SORL1: variants seen among roughly 807,000 people sequenced by gnomAD.
SORL1 encodes sortilin-related receptor.
A neutral mutation model predicts 273.7 loss-of-function variants in SORL1; 127 were observed. The ratio of observed to expected loss-of-function variants is 0.46; its 90% confidence interval spans 0.40 to 0.54. The LOEUF is 0.54. Among genes scored for constraint, SORL1 ranks in the 20% least tolerant of loss-of-function variants. The pLI is 0.00. For synonymous variants in SORL1, 1,031 were observed against 1,067.4 expected, an observed-to-expected ratio of 0.97 and a Z score of 0.66; for missense variants, 2,494 against 2,846.1, an observed-to-expected ratio of 0.88 and a Z score of 2.81.
At position 121,554,219 on chromosome 11, in the gene SORL1, G is replaced by A. The variant is rs1404823899; in HGVS notation, c.2439+110G>A. ...AATGGGCAGTTAGAAGTTTGTAAGT[G>A]TTACTCATCTCAGGGCTGACAGGTG... On this transcript the variant is annotated intron_variant, in intron 17 of 47. Transcript: ENST00000260197. The surrounding 1 kb of genome is among the most constrained non-coding windows in gnomAD (Gnocchi z 4.6). The A allele has an allele frequency of 4.3e-6, 4 of 928,606 alleles. No homozygotes were observed. The highest frequency in any genetic ancestry group is 1.7e-5 in the African/African-American group (1 of 59,782). The allele number at this position is 928,606 out of a possible 1,614,324, so 57.5% of individuals were successfully genotyped here. A position where few individuals can be genotyped will look rare whatever the true frequency, so the allele number is the denominator to read the frequency against.
At chr11:121,574,829 AG>A (rs1198389845) in intron 24 of SORL1, among the ~76,000 whole-genome samples, 1 of 152,174 alleles carries the variant, frequency 6.6e-6, no homozygotes, top group Non-Finnish European at 1.5e-5. Context: ...GGTGATGGTA[AG>A]GAAGTAAATT....
intron 26 of SORL1, among the ~76,000 whole-genome samples, chr11:121,585,044 C>T (rs184385444): frequency 1.3e-5 from 2 of 152,328 alleles, no homozygotes; most frequent in Admixed American, 1.3e-4. Context: ...CATTTCTAGG[C>T]AAACTTTCTC....
Position 121,502,124 on chromosome 11 carries a change from C to CTTTTTTTTTTTTTTT in SORL1, c.939+5090_939+5104dup, listed in dbSNP as rs57842880. The stretch of plus-strand genomic sequence containing the variant: ...GTAACTACTGGGTCATGTGACAATT[C>CTTTTTTTTTTTTTTT]TTTTTTTTTTTTTTTTTTTTTTTTT... On this transcript the variant is annotated intron_variant, in intron 6 of 47. Coordinates refer to ENST00000260197, the MANE Select transcript of SORL1 (RefSeq NM_003105.6). 2.0e-4 allele frequency among the ~76,000 whole-genome samples: 13 copies of CTTTTTTTTTTTTTTT among 65,188 alleles called. 3 individuals are homozygous for CTTTTTTTTTTTTTTT. Among genetic ancestry groups the CTTTTTTTTTTTTTTT allele is most frequent in the East Asian group, 9.3e-4 (2 of 2,152 alleles). The allele number at this position is 65,188 out of a possible 152,430, so 42.8% of individuals were successfully genotyped here.
In SORL1 at chr11:121,595,343, C is replaced by T. The variant is rs930414054; in HGVS notation, c.4370-280C>T. On this transcript the variant is annotated intron_variant, in intron 31 of 47. Transcript: ENST00000260197. The surrounding 1 kb of genome is among the most constrained non-coding windows in gnomAD (Gnocchi z 5.1). ...TTCGCTGGCCTCTTTAGTCACATAC[C>T]GCTATCTGTCTTCTTTCCAGCTCCC... Among the ~76,000 whole-genome samples, 2 of 152,158 alleles carry T rather than the reference C, an allele frequency of 1.3e-5. No individual in the cohort carries two copies. Among genetic ancestry groups the T allele is most frequent in the South Asian group, 2.1e-4 (1 of 4,832 alleles).
At chr11:121,456,559 A>G (rs1860909123) in intron 1 of SORL1, among the ~76,000 whole-genome samples, 1 of 152,232 alleles carries the variant, frequency 6.6e-6, no homozygotes, top group Non-Finnish European at 1.5e-5. Flanking sequence ...GCCTACAGAT[A>G]GTGGAGCCCT....
In SORL1 at chr11:121,570,197, G is replaced by A. The variant is rs928570635; in HGVS notation, c.3264G>A (p.Gly1088=). 6.2e-6 allele frequency: 10 copies of A among 1,614,012 alleles called. No individual in the cohort carries two copies. Among genetic ancestry groups the A allele is most frequent in the Non-Finnish European group, 7.6e-6 (9 of 1,179,922 alleles). Reference sequence around the variant, plus strand: ...GCAACCAGTATCGCTGCAGCAACGGGAACTGTATCAACAGCATTTGGTGGT... The same window carrying A: ...GCAACCAGTATCGCTGCAGCAACGGAAACTGTATCAACAGCATTTGGTGGT... ...CLRNQYRCSN[G]NCINSIWWCD... is the part of the protein sequence containing the mutation. The change falls in exon 23 of 48, where the codon GGG becomes GGA. Residue 1088 remains glycine (G), a synonymous_variant. Transcript: ENST00000260197.
chr11:121,539,974 A>G (rs1862322669), intron 12 of SORL1, among the ~76,000 whole-genome samples: 1 of 152,156 alleles, frequency 6.6e-6, no homozygotes, highest in Non-Finnish European at 1.5e-5. Context: ...CAGTCTGCCA[A>G]TTATTTTGGT....
At position 121,550,848 on chromosome 11, in the gene SORL1, T is replaced by C. The variant is rs925209656; in HGVS notation, c.2266+178T>C. ...TTGGTTTCCACACTGAACTTGTACA[T>C]AGCCATACCCGTTTTTAGGAATGGA... On this transcript the variant is annotated intron_variant, in intron 16 of 47. Coordinates refer to ENST00000260197, the MANE Select transcript of SORL1 (RefSeq NM_003105.6). The surrounding 1 kb of genome is among the most constrained non-coding windows in gnomAD (Gnocchi z 5.3). 6.6e-6 allele frequency among the ~76,000 whole-genome samples: 1 copy of C among 152,212 alleles called. No individual in the cohort carries two copies. Among genetic ancestry groups the C allele is most frequent in the African/African-American group, 2.4e-5 (1 of 41,448 alleles).
In SORL1 at chr11:121,595,888, C is replaced by T. The variant is rs550792972; in HGVS notation, c.4519+116C>T. The T allele has an allele frequency of 8.6e-5, 97 of 1,123,464 alleles. No homozygotes were observed. The highest frequency in any genetic ancestry group is 1.0e-4 in the Non-Finnish European group (80 of 802,786). 69.6% of individuals were successfully genotyped at this position (1,123,464 alleles called of 1,614,324 possible). On this transcript the variant is annotated intron_variant, in intron 32 of 47. Transcript: ENST00000260197. The surrounding 1 kb of genome is among the most constrained non-coding windows in gnomAD (Gnocchi z 5.1). ...GCCTGTGTGTGAGTCTGTGTACTTG[C>T]GTAACCATGCTCTTACTGCATTCTC...
intron 14 of SORL1, among the ~76,000 whole-genome samples, chr11:121,547,332 G>GTT (rs143897614): frequency 0.066 from 7,981 of 121,792 alleles, 347 homozygotes; most frequent in Admixed American, 0.13. Flanking sequence ...AATCTTTGGG[G>GTT]TTTTTTTTTT....
At chr11:121,478,049 AAAAG>A in intron 2 of SORL1, 65 bp from the exon 3 acceptor site, 43 of 1,436,500 alleles carry the variant, frequency 3.0e-5, no homozygotes, top group Admixed American at 6.7e-5. Flanking sequence ...AAAAAAAAAA[AAAAG>A]AAAGATCTTT....
intron 32 of SORL1, among the ~76,000 whole-genome samples, chr11:121,597,175 G>GT (rs895673546): frequency 1.3e-5 from 2 of 152,210 alleles, no homozygotes; most frequent in African/African-American, 4.8e-5. Flanking sequence ...AGTTCACCCA[G>GT]TAAGGCTCAG....
At chr11:121,551,343 A>G (rs1299885634) in intron 16 of SORL1, among the ~76,000 whole-genome samples, 1 of 152,196 alleles carries the variant, frequency 6.6e-6, no homozygotes, top group East Asian at 1.9e-4. Context: ...TTAGATAATC[A>G]TTATGCATGC....
At chr11:121,553,833 A>G in intron 16 of SORL1, 104 bp from the exon 17 acceptor site, 1 of 1,112,816 alleles carries the variant, frequency 9.0e-7, no homozygotes, top group South Asian at 1.5e-5. Context: ...ACCACATGCC[A>G]ATGAATTTGA....
At position 121,627,682 on chromosome 11, in the gene SORL1, G is replaced by A. The variant is rs148877993; in HGVS notation, c.6492G>A (p.Arg2164=). 38 of 1,614,204 alleles carry A rather than the reference G, an allele frequency of 2.4e-5. No individual in the cohort carries two copies. The East Asian group carries it at 8.5e-4, about 36-fold the overall frequency. Residue 2164 remains arginine (R), a synonymous_variant, in exon 47 of 48, where the codon AGG becomes AGA. Coordinates refer to ENST00000260197, the MANE Select transcript of SORL1 (RefSeq NM_003105.6). The surrounding 1 kb of genome is among the most constrained non-coding windows in gnomAD (Gnocchi z 4.9). ...GFAILYTKHR[R]LQSSFTAFAN... Reference sequence around the variant, plus strand: ...CCATCCTGTACACGAAGCACCGGAGGCTGCAGAGCAGCTTCACCGCCTTCG... The same window carrying A: ...CCATCCTGTACACGAAGCACCGGAGACTGCAGAGCAGCTTCACCGCCTTCG...
chr11:121,622,210 A>C lies in SORL1; in HGVS notation c.6113A>C (p.His2038Pro). 1 of 1,613,030 alleles carries C rather than the reference A, an allele frequency of 6.2e-7. No individual in the cohort carries two copies. The highest frequency in any genetic ancestry group is 8.5e-7 in the Non-Finnish European group (1 of 1,179,498). Residue 2038 changes from histidine to proline, a missense_variant, in exon 45 of 48, where the codon CAT becomes CCT. By Grantham distance (77) the His-to-Pro change is moderately conservative. Around this residue, in one of 3 missense-constraint regions of SORL1, gnomAD observed 1,609 missense variants for 1,816.4 expected, o/e 0.89. Coordinates refer to ENST00000260197, the MANE Select transcript of SORL1 (RefSeq NM_003105.6). ...TTAAAAATCATAACAGAAAATGATCATGTTCTTCTGTTTTGGAAAAGCCTG... is the reference window on the plus strand; with the variant it reads ...TTAAAAATCATAACAGAAAATGATCCTGTTCTTCTGTTTTGGAAAAGCCTG... Reference protein sequence around the residue: ...DALKIITENDHVLLFWKSLAL... With the variant: ...DALKIITENDPVLLFWKSLAL...
At chr11:121,614,212 A>T (rs980107624) in intron 40 of SORL1, 3 of 152,236 alleles carry the variant, frequency 2.0e-5, no homozygotes, top group Admixed American at 6.5e-5. Flanking sequence ...GTGTAATGAA[A>T]ATTAAAATTG....
intron 8 of SORL1, among the ~76,000 whole-genome samples, chr11:121,519,672 A>C (rs1394027609): frequency 6.6e-6 from 1 of 152,208 alleles, no homozygotes; most frequent in East Asian, 1.9e-4. Flanking sequence ...ATTAGGTTGT[A>C]AGTACCTGGA....
At position 121,552,124 on chromosome 11, in the gene SORL1, A is replaced by G. The variant is rs146104492; in HGVS notation, c.2266+1454A>G. 7.9e-3 allele frequency among the ~76,000 whole-genome samples: 1,203 copies of G among 152,216 alleles called. 15 individuals are homozygous for G. The highest frequency in any genetic ancestry group is 0.028 in the African/African-American group (1,152 of 41,516). On this transcript the variant is annotated intron_variant, in intron 16 of 47. Transcript: ENST00000260197. Reference sequence around the variant, plus strand: ...CTCATTCCATTGTGGGCCACCTCCTATGTAAAAGAGAGAAAAAAAAAGGCA... The same window carrying G: ...CTCATTCCATTGTGGGCCACCTCCTGTGTAAAAGAGAGAAAAAAAAAGGCA...
Sources: gnomAD v4.1 joint callset for allele counts (sites outside exome capture counted in the v4.1 genomes callset) on GRCh38, gnomAD v4.1.1 for gene constraint, gnomAD v4.1.1 regional missense constraint, Gnocchi (gnomAD v3.1) non-coding constraint, MANE v1.5 for transcripts, NCBI Gene and HGNC (gene_info 2026-07-23, HGNC 2026-07-21) for gene names.